KLK3: variants seen among roughly 807,000 people sequenced by gnomAD.
KLK3 encodes the protein prostate-specific antigen.
Under a neutral mutation model 27.7 loss-of-function variants are expected in KLK3, and 23 were observed. That is an observed-to-expected ratio of 0.83 (90% CI 0.60 to 1.17). The LOEUF is 1.17. KLK3 is among the 50% of genes most tolerant of loss of function. The probability of loss-of-function intolerance (pLI) is 0.00; values close to 1 mark genes in which losing one functional copy is unlikely to be tolerated. For synonymous variants in KLK3, 142 were observed against 134.2 expected (o/e 1.06, Z -0.40); for missense variants, 322 against 338.1 (o/e 0.95, Z 0.37).
At position 50,859,958 on chromosome 19, in the gene KLK3, G is replaced by T. The variant is rs757145681; in HGVS notation, c.631-14G>T. 2 of 1,604,678 alleles carry T rather than the reference G, an allele frequency of 1.2e-6. No homozygotes were observed. The highest frequency in any genetic ancestry group is 2.2e-5 in the South Asian group (2 of 90,242). ...GACTGACCTATCTCACTCTCTCCCTGCTTTTACCCTTAGGGTGATTCTGGG... is the reference window on the plus strand; with the variant it reads ...GACTGACCTATCTCACTCTCTCCCTTCTTTTACCCTTAGGGTGATTCTGGG... On this transcript the variant is annotated splice_polypyrimidine_tract_variant and intron_variant, in intron 4 of 4. Coordinates refer to ENST00000326003, the MANE Select transcript of KLK3 (RefSeq NM_001648.2).
chr19:50,856,560 C>G, intron 2 of KLK3, 161 bp downstream of exon 2: 1 of 752,430 alleles, frequency 1.3e-6, no homozygotes, highest in South Asian at 1.9e-5. Context: ...GGGGCTGGAC[C>G]ACCCTCCCCA....
chr19:50,855,111 C>A, intron 1 of KLK3, 110 bp downstream of exon 1: 2 of 1,125,684 alleles, frequency 1.8e-6, no homozygotes, highest in Non-Finnish European at 2.6e-6. Flanking sequence ...GGGAGCTGGG[C>A]TCTTTTCTGT....
At chr19:50,856,205 A>ACCCTGATAC (rs1398756801) in intron 1 of KLK3, 35 bp from the exon 2 acceptor site, 3 of 1,590,060 alleles carry the variant, frequency 1.9e-6, no homozygotes, top group Non-Finnish European at 2.6e-6. Context: ...CCTCCTGTCA[A>ACCCTGATAC]CCCTGATTCC....
At chr19:50,858,435 A>G (rs2090163071) in intron 3 of KLK3, 24 bp from the exon 4 acceptor site, 1 of 1,614,064 alleles carries the variant, frequency 6.2e-7, no homozygotes, top group South Asian at 1.1e-5. Flanking sequence ...CCAGCCCACA[A>G]CAGTGTTTTT....
rs2090179694 is a variant in KLK3 at position 50,860,622 on chromosome 19, G to A, written c.*495G>A. ...GAGGGAGGGTCTTCCTTTGGCATGG[G>A]ATGGGGATGAAGTAAGGAGAGGGAC... On this transcript the variant is annotated 3_prime_UTR_variant, in exon 5 of 5. Coordinates refer to ENST00000326003, the MANE Select transcript of KLK3 (RefSeq NM_001648.2). 2.0e-5 allele frequency: 3 copies of A among 152,730 alleles called. No homozygotes were observed. The highest frequency in any genetic ancestry group is 2.1e-4 in the South Asian group (1 of 4,846). 9.5% of individuals were successfully genotyped at this position (152,730 alleles called of 1,614,324 possible).
At chr19:50,855,156 C>T (rs1340967424) in intron 1 of KLK3, 155 bp downstream of exon 1, 2 of 689,614 alleles carry the variant, frequency 2.9e-6, no homozygotes, top group African/African-American at 3.6e-5. Context: ...ATACCCCCAG[C>T]CCCTCCATAT....
In KLK3 at chr19:50,858,488, G is replaced by T. The variant is rs2123460441; in HGVS notation, c.523G>T (p.Asp175Tyr). Residue 175 changes from aspartate (D) to tyrosine (Y), a missense_variant, in exon 4 of 5, where the codon GAC becomes TAC. Physicochemically the swap from Asp to Tyr is radical, Grantham distance 160. Coordinates refer to ENST00000326003, the MANE Select transcript of KLK3 (RefSeq NM_001648.2). ...FLTPKKLQCV[D>Y]LHVISNDVCA... is the part of the protein sequence containing the mutation. ...GACCCCAAAGAAACTTCAGTGTGTG[G>T]ACCTCCATGTTATTTCCAATGACGT... The T allele has an allele frequency of 6.2e-7, 1 of 1,614,192 alleles. No homozygotes were observed. Among genetic ancestry groups the T allele is most frequent in the East Asian group, 2.2e-5 (1 of 44,880 alleles).
chr19:50,855,719 C>CA (rs1385250374), intron 1 of KLK3: 3 of 153,046 alleles, frequency 2.0e-5, no homozygotes, highest in Admixed American at 6.5e-5. Context: ...AACCTAAAAA[C>CA]AAAAAGAAAA....
At chr19:50,855,040 G>C (rs1347315877) in intron 1 of KLK3, 39 bp downstream of exon 1, 12 of 1,605,540 alleles carry the variant, frequency 7.5e-6, no homozygotes, top group Non-Finnish European at 1.0e-5. Flanking sequence ...AGGAGAGGGA[G>C]CCAGCCCTGA....
At chr19:50,859,135 G>T (rs981523275) in intron 4 of KLK3, among the ~76,000 whole-genome samples, 3 of 152,106 alleles carry the variant, frequency 2.0e-5, no homozygotes, top group African/African-American at 7.2e-5. Flanking sequence ...CCAGGCCTGG[G>T]AGGAGGGGCC....
chr19:50,858,462 T>A lies in KLK3; in HGVS notation c.497T>A (p.Leu166Ter). ...AGTGTTTTTGCCTGGCCCGTAGTCT[T>A]GACCCCAAAGAAACTTCAGTGTGTG... ...GWGSIEPEEF[L>*]TPKKLQCVDL... The change falls in exon 4 of 5, where the codon TTG (leucine) becomes TAG (stop). Residue 166 changes from leucine to a stop codon, truncating the protein, a stop_gained. Transcript: ENST00000326003. LOFTEE classifies it high-confidence loss of function. 6.2e-7 allele frequency: 1 copy of A among 1,614,194 alleles called. No individual in the cohort carries two copies. The highest frequency in any genetic ancestry group is 1.1e-5 in the South Asian group (1 of 91,086).
chr19:50,859,235 G>A (rs1380620927), intron 4 of KLK3, among the ~76,000 whole-genome samples: 2 of 152,268 alleles, frequency 1.3e-5, no homozygotes, highest in Middle Eastern at 3.4e-3. Context: ...CCCTCCTGCA[G>A]GGCCTCACCT....
rs1189692003 is a variant in KLK3, at chr19:50,856,336, C to A, written c.143C>A (p.Ala48Glu). Residue 48 changes from alanine to glutamate, a missense_variant, in exon 2 of 5, where the codon GCA becomes GAA. Transcript: ENST00000326003. ...WQVLVASRGR[A>E]VCGGVLVHPQ... is the part of the protein sequence containing the mutation. Reference sequence around the variant, plus strand: ...GTGCTTGTGGCCTCTCGTGGCAGGGCAGTCTGCGGCGGTGTTCTGGTGCAC... The same window carrying A: ...GTGCTTGTGGCCTCTCGTGGCAGGGAAGTCTGCGGCGGTGTTCTGGTGCAC... 1 of 1,613,660 alleles carries A rather than the reference C, an allele frequency of 6.2e-7. No individual in the cohort carries two copies. The highest frequency in any genetic ancestry group is 1.7e-5 in the Admixed American group (1 of 60,026).
chr19:50,857,246 G>A (rs1436604261), intron 2 of KLK3: 2 of 151,880 alleles, frequency 1.3e-5, no homozygotes, highest in African/African-American at 4.8e-5. Context: ...GAGGGTATGA[G>A]AGGGCCCCTC....
intron 2 of KLK3, among the ~76,000 whole-genome samples, chr19:50,857,226 G>C (rs1365084300): frequency 6.6e-6 from 1 of 150,722 alleles, no homozygotes; most frequent in Non-Finnish European, 1.5e-5. Context: ...TCCCTGATGT[G>C]TGTGGGTATG....
chr19:50,857,966 T>C, intron 2 of KLK3, 63 bp from the exon 3 acceptor site: 1 of 1,519,254 alleles, frequency 6.6e-7, no homozygotes. Context: ...TCCTTGCTCC[T>C]CTGTCCCTTC....
At chr19:50,859,559 G>A in intron 4 of KLK3, 2 of 1,613,666 alleles carry the variant, frequency 1.2e-6, no homozygotes, top group African/African-American at 2.7e-5. Flanking sequence ...AACTGACCAT[G>A]CCAGCCCTGC....
intron 4 of KLK3, 93 bp from the exon 5 acceptor site, chr19:50,859,875 GCTAT>G: frequency 1.3e-6 from 2 of 1,518,144 alleles, no homozygotes; most frequent in Non-Finnish European, 1.8e-6. Flanking sequence ...GCTGGGAACT[GCTAT>G]CTGTTATCTG....
At chr19:50,855,094 C>G in intron 1 of KLK3, 93 bp downstream of exon 1, 1 of 1,321,562 alleles carries the variant, frequency 7.6e-7, no homozygotes, top group Non-Finnish European at 1.1e-6. Flanking sequence ...GCACCCCAGC[C>G]CAGACAGGGA....
Sources: allele counts gnomAD v4.1 joint callset (sites outside exome capture counted in the v4.1 genomes callset), GRCh38; gene constraint gnomAD v4.1.1; transcripts MANE v1.5; gene names NCBI Gene and HGNC (gene_info 2026-07-23, HGNC 2026-07-21).